The following SCLY variants were observed in gnomAD, a reference collection of about 807,000 sequenced individuals.
SCLY encodes putative selenocysteine lyase.
In SCLY, 38 loss-of-function variants were observed where a neutral mutation model predicts 50.1. That is an observed-to-expected ratio of 0.76 (90% CI 0.59 to 0.99). The LOEUF is 0.99. Among genes scored for constraint, SCLY ranks in the 50% least tolerant of loss-of-function variants. SCLY has a pLI of 0.00. For missense variants in SCLY, 600 were observed against 620.0 expected (o/e 0.97, Z 0.34); for synonymous variants, 243 against 249.4 (o/e 0.97, Z 0.24).
At position 238,067,509 on chromosome 2, in the gene SCLY, G is replaced by T. The variant is rs768868507; in HGVS notation, c.203-556G>T. 2.0e-5 allele frequency among the ~76,000 whole-genome samples: 3 copies of T among 152,206 alleles called. No individual in the cohort carries two copies. The highest frequency in any genetic ancestry group is 4.4e-5 in the Non-Finnish European group (3 of 68,042). ...GCATGGTTGCTGTGTTTTCCTTCTA[G>T]CCAGTGAAACTGGGTGATGGCCGGA... On this transcript the variant is annotated intron_variant, in intron 2 of 11. Coordinates refer to ENST00000254663, the MANE Select transcript of SCLY (RefSeq NM_016510.7). This position sits in a 1 kb window ranked among gnomAD's most constrained non-coding sequence, Gnocchi z 4.3.
chr2:238,098,640 C>CCCACATAGGACCGT lies in SCLY; in HGVS notation c.*291_*292insAGGACCGTCCACAT. On this transcript the variant is annotated 3_prime_UTR_variant, in exon 12 of 12. Coordinates refer to ENST00000254663, the MANE Select transcript of SCLY (RefSeq NM_016510.7). ...ACATGGGACCGCCCACATGGGACCG[C>CCCACATAGGACCGT]CCACATGGGACCGCCCACATAGAAC... The CCCACATAGGACCGT allele has an allele frequency of 1.4e-5, 5 of 352,030 alleles. 1 individual carries two copies. Among genetic ancestry groups the CCCACATAGGACCGT allele is most frequent in the East Asian group, 7.6e-5 (2 of 26,164 alleles). 21.8% of individuals were successfully genotyped at this position (352,030 alleles called of 1,614,324 possible). A position where few individuals can be genotyped will look rare whatever the true frequency, so the allele number is the denominator to read the frequency against.
At chr2:238,061,870 G>A (rs3769109) in intron 1 of SCLY, among the ~76,000 whole-genome samples, 47,780 of 152,012 alleles carry the variant, frequency 0.31, 9,332 homozygotes, top group Admixed American at 0.43. Flanking sequence ...GCAGGGGTAT[G>A]CATTTTCTGG....
Position 238,093,989 on chromosome 2 carries a change from G to T in SCLY, c.1005+45G>T, listed in dbSNP as rs755991002. Reference sequence around the variant, plus strand: ...GGCACCAGGAGGGGGAGGGTGCGTGGGGCAGGTGCCCAGAGAGGAGGGGTG... The same window carrying T: ...GGCACCAGGAGGGGGAGGGTGCGTGTGGCAGGTGCCCAGAGAGGAGGGGTG... On this transcript the variant is annotated intron_variant, in intron 9 of 11. Transcript: ENST00000254663. 4 of 1,551,002 alleles carry T rather than the reference G, an allele frequency of 2.6e-6. No homozygotes were observed. The East Asian group carries it at 6.8e-5, about 26-fold the overall frequency.
intron 4 of SCLY, among the ~76,000 whole-genome samples, chr2:238,075,368 T>C (rs1238747075): frequency 6.6e-6 from 1 of 152,220 alleles, no homozygotes; most frequent in Non-Finnish European, 1.5e-5. Context: ...TCTAGTTTAG[T>C]GTCAGGGTAA....
chr2:238,082,954 T>C (rs950403468), intron 6 of SCLY: 5 of 393,592 alleles, frequency 1.3e-5, no homozygotes, highest in African/African-American at 4.1e-5. Context: ...ATTCATATGA[T>C]TTGAGATCCT....
At position 238,069,985 on chromosome 2, in the gene SCLY, C is replaced by G. The variant is rs2065111465; in HGVS notation, c.484+508C>G. ...GCCTGGAATAAGCGAGCTGCCGCAC[C>G]TGATCTCAGCACCCATGACGCGAGG... On this transcript the variant is annotated intron_variant, in intron 4 of 11. Coordinates refer to ENST00000254663, the MANE Select transcript of SCLY (RefSeq NM_016510.7). This position sits in a 1 kb window ranked among gnomAD's most constrained non-coding sequence, Gnocchi z 5.0. The G allele has an allele frequency of 6.6e-6, 1 of 152,502 alleles. No individual in the cohort carries two copies. 9.4% of individuals were successfully genotyped at this position (152,502 alleles called of 1,614,324 possible). A position where few individuals can be genotyped will look rare whatever the true frequency, so the allele number is the denominator to read the frequency against.
At chr2:238,096,971 T>C in intron 11 of SCLY, 95 bp downstream of exon 11, 1 of 1,245,142 alleles carries the variant, frequency 8.0e-7, no homozygotes, top group South Asian at 1.5e-5. Flanking sequence ...TGGGCCGCAC[T>C]CTGGCTGGTG....
chr2:238,065,767 C>A (rs939976100), intron 2 of SCLY, among the ~76,000 whole-genome samples: 1 of 151,518 alleles, frequency 6.6e-6, no homozygotes, highest in African/African-American at 2.4e-5. Context: ...CTCCGCCTCC[C>A]GGATTCAAGC....
chr2:238,062,471 G>A (rs186078018), intron 1 of SCLY, among the ~76,000 whole-genome samples: 4 of 151,434 alleles, frequency 2.6e-5, no homozygotes, highest in South Asian at 2.1e-4. Flanking sequence ...GTGCAGTGGT[G>A]CAGTCTTGGC....
chr2:238,081,561 G>T, intron 4 of SCLY, 148 bp from the exon 5 acceptor site: 1 of 1,103,518 alleles, frequency 9.1e-7, no homozygotes, highest in Non-Finnish European at 1.3e-6. Flanking sequence ...CAGTGATGAT[G>T]GGCGGCTTAT....
At chr2:238,091,560 G>GATC in intron 8 of SCLY, 11 of 313,460 alleles carry the variant, frequency 3.5e-5, no homozygotes, top group South Asian at 8.1e-5. Context: ...CATTCCCAAA[G>GATC]GCGTCGGCAG....
intron 4 of SCLY, among the ~76,000 whole-genome samples, chr2:238,072,976 T>G (rs936833127): frequency 6.6e-6 from 1 of 152,244 alleles, no homozygotes; most frequent in African/African-American, 2.4e-5. Flanking sequence ...TATTTTCTTC[T>G]AAGAGTTTTA....
At chr2:238,095,774 G>C (rs1170726180) in intron 10 of SCLY, 1 of 152,164 alleles carries the variant, frequency 6.6e-6, no homozygotes, top group Non-Finnish European at 1.5e-5. Flanking sequence ...GTCTCACTCT[G>C]TCGTCACCCA....
At chr2:238,075,171 G>T (rs987982117) in intron 4 of SCLY, among the ~76,000 whole-genome samples, 2 of 152,142 alleles carry the variant, frequency 1.3e-5, no homozygotes, top group African/African-American at 2.4e-5. Context: ...CATTTATTGA[G>T]ATGATCATGT....
chr2:238,093,897 G>T lies in SCLY; in HGVS notation c.958G>T (p.Glu320Ter). ...GGTGACCCAGAACTGCGAGGCTTAT[G>T]AGGCCCACATGAGGGACGTCCGCGA... ...ELVTQNCEAY[E>*]AHMRDVRDYL... is the part of the protein sequence containing the mutation. Residue 320 changes from glutamate to a stop codon, truncating the protein, a stop_gained, in exon 9 of 12, where the codon GAG becomes TAG. Transcript: ENST00000254663. LOFTEE classifies it high-confidence loss of function. The T allele has an allele frequency of 1.9e-6, 3 of 1,614,110 alleles. No individual in the cohort carries two copies. The highest frequency in any genetic ancestry group is 2.5e-6 in the Non-Finnish European group (3 of 1,180,030).
intron 4 of SCLY, chr2:238,079,068 C>CTTTTTTTTTTTTTTTTTTTT (rs59238768): frequency 2.1e-5 from 2 of 93,186 alleles, no homozygotes; most frequent in Non-Finnish European, 4.0e-5. Flanking sequence ...CTTTCTTTTT[C>CTTTTTTTTTTTTTTTTTTTT]TTTTTTTTTT....
Position 238,081,790 on chromosome 2 carries a change from G to T in SCLY, c.566G>T (p.Arg189Leu), listed in dbSNP as rs752059141. The T allele has an allele frequency of 1.2e-6, 2 of 1,614,144 alleles. No individual in the cohort carries two copies. The highest frequency in any genetic ancestry group is 3.3e-5 in the Admixed American group (2 of 60,028). The change falls in exon 5 of 12, where the codon CGC becomes CTC. Residue 189 changes from arginine (R) to leucine (L), a missense_variant. Physicochemically the swap from Arg to Leu is moderately radical, Grantham distance 102. Transcript: ENST00000254663. ...DILAAVRPTT[R>L]LVTIMLANNE... ...CTCGCGGCAGTCCGCCCGACCACAC[G>T]CCTCGTGACCATCATGCTGGCCAAC... is the stretch of plus-strand genomic sequence containing the variant.
intron 4 of SCLY, among the ~76,000 whole-genome samples, chr2:238,073,613 T>C (rs957049033): frequency 6.6e-6 from 1 of 152,226 alleles, no homozygotes; most frequent in South Asian, 2.1e-4. Flanking sequence ...TAGATGGAAT[T>C]GTTTTCTTAT....
chr2:238,081,070 G>T lies in SCLY; in HGVS notation c.485-639G>T, dbSNP rs1174352812. On this transcript the variant is annotated intron_variant, in intron 4 of 11. Transcript: ENST00000254663. ...GGTCTTGAACCCCTGGGCTCAAGCA[G>T]TCCACCCACCTCGGCCTTCCAAAGT... 2.0e-5 allele frequency: 3 copies of T among 152,458 alleles called. No individual in the cohort carries two copies. In the East Asian group the frequency reaches 5.8e-4, roughly 29 times the overall value. The allele number at this position is 152,458 out of a possible 1,614,324, so 9.4% of individuals were successfully genotyped here. A position where few individuals can be genotyped will look rare whatever the true frequency, so the allele number is the denominator to read the frequency against.
Sources: allele counts gnomAD v4.1 joint callset (sites outside exome capture counted in the v4.1 genomes callset), GRCh38; gene constraint gnomAD v4.1.1; non-coding constraint Gnocchi (gnomAD v3.1); transcripts MANE v1.5; gene names NCBI Gene and HGNC (gene_info 2026-07-23, HGNC 2026-07-21).